ITGA8: variants seen among roughly 807,000 people sequenced by gnomAD.
The protein encoded by ITGA8 is integrin alpha-8.
ITGA8 carries 91 observed loss-of-function variants against 142.3 expected under a neutral mutation model. The observed-to-expected ratio is 0.64, with a 90% confidence interval of 0.54 to 0.76. ITGA8 has a LOEUF of 0.76. Ranked by LOEUF, ITGA8 falls within the 30% of genes least tolerant of loss-of-function variation. The pLI is 0.00. For synonymous variants in ITGA8, 505 were observed against 485.2 expected (o/e 1.04, Z -0.54); for missense variants, 1,406 against 1,327.7 (o/e 1.06, Z -0.92).
chr10:15,530,915 A>G lies in ITGA8; in HGVS notation c.2982+135T>C, dbSNP rs551955208. On this transcript the variant is annotated intron_variant, in intron 28 of 29. Transcript: ENST00000378076. Reference sequence around the variant, plus strand: ...CACTAGGAAATTACCAGACCAATGTAAGAAATTGGTGAGCTGAAGAGGAAA... The same window carrying G: ...CACTAGGAAATTACCAGACCAATGTGAGAAATTGGTGAGCTGAAGAGGAAA... The G allele has an allele frequency of 2.6e-4, 142 of 539,566 alleles. No homozygotes were observed. In the African/African-American group the frequency reaches 2.6e-3, roughly 10 times the overall value. 33.4% of individuals were successfully genotyped at this position (539,566 alleles called of 1,614,324 possible).
intron 2 of ITGA8, among the ~76,000 whole-genome samples, chr10:15,695,778 C>T (rs908107600): frequency 2.0e-5 from 3 of 152,244 alleles, no homozygotes; most frequent in African/African-American, 7.2e-5. Context: ...AAAGAGAAGC[C>T]ATGGTTTTCT....
chr10:15,520,702 T>C (rs1189033252), intron 28 of ITGA8, among the ~76,000 whole-genome samples: 1 of 152,246 alleles, frequency 6.6e-6, no homozygotes, highest in Non-Finnish European at 1.5e-5. Context: ...CGCTACATTA[T>C]TCTTGGATGC....
chr10:15,524,511 T>C (rs905667654), intron 28 of ITGA8, among the ~76,000 whole-genome samples: 13 of 152,242 alleles, frequency 8.5e-5, no homozygotes, highest in South Asian at 2.1e-4. Flanking sequence ...GTCACGTATA[T>C]GTCTCGGCAA....
At chr10:15,696,046 C>T (rs189576437) in intron 2 of ITGA8, among the ~76,000 whole-genome samples, 3 of 152,200 alleles carry the variant, frequency 2.0e-5, no homozygotes, top group Non-Finnish European at 1.5e-5. Context: ...ACTCAATGTG[C>T]TTTCTGTTTT....
At chr10:15,654,506 T>C (rs965296577) in intron 11 of ITGA8, among the ~76,000 whole-genome samples, 1 of 152,256 alleles carries the variant, frequency 6.6e-6, no homozygotes, top group African/African-American at 2.4e-5. Flanking sequence ...AATGCCATGA[T>C]ACAATTAACA....
At chr10:15,607,969 G>A in intron 16 of ITGA8, 138 bp from the exon 17 acceptor site, 1 of 728,892 alleles carries the variant, frequency 1.4e-6, no homozygotes, top group South Asian at 1.9e-5. Flanking sequence ...TAAATGAGCT[G>A]GAAAAATTGT....
chr10:15,619,964 A>C (rs1295560183), intron 13 of ITGA8, among the ~76,000 whole-genome samples: 1 of 152,280 alleles, frequency 6.6e-6, no homozygotes, highest in Non-Finnish European at 1.5e-5. Context: ...TATAAATAAC[A>C]GGCGAATTTT....
chr10:15,689,615 C>A (rs141899131), intron 2 of ITGA8, among the ~76,000 whole-genome samples: 1 of 152,256 alleles, frequency 6.6e-6, no homozygotes, highest in African/African-American at 2.4e-5. Flanking sequence ...CACTTTGTAC[C>A]CCACTCCTGT....
At chr10:15,709,578 C>T (rs1474933708) in intron 2 of ITGA8, among the ~76,000 whole-genome samples, 1 of 152,198 alleles carries the variant, frequency 6.6e-6, no homozygotes, top group Non-Finnish European at 1.5e-5. Context: ...CAATGCCTTC[C>T]ATATTTTAAG....
intron 25 of ITGA8, among the ~76,000 whole-genome samples, chr10:15,570,610 C>CAAAAAAAAAAAAAAAAAAAAAA (rs931457896): frequency 2.5e-5 from 1 of 40,040 alleles, no homozygotes; most frequent in Admixed American, 2.6e-4. Flanking sequence ...AACTCCATCT[C>CAAAAAAAAAAAAAAAAAAAAAA]AAAAAAAAAA....
intron 6 of ITGA8, among the ~76,000 whole-genome samples, chr10:15,674,259 C>G (rs1834584923): frequency 6.6e-6 from 1 of 152,186 alleles, no homozygotes; most frequent in South Asian, 2.1e-4. Context: ...TTCCTCCATC[C>G]CACATACACA....
chr10:15,530,167 T>C (rs558506899), intron 28 of ITGA8, among the ~76,000 whole-genome samples: 1 of 152,356 alleles, frequency 6.6e-6, no homozygotes, highest in South Asian at 2.1e-4. Flanking sequence ...CCCCTTTGCA[T>C]GGCCTTGCCA....
At chr10:15,713,955 T>C (rs1178569120) in intron 2 of ITGA8, among the ~76,000 whole-genome samples, 1 of 152,180 alleles carries the variant, frequency 6.6e-6, no homozygotes, top group Non-Finnish European at 1.5e-5. Context: ...CTTTCTCAGA[T>C]GACTTCCAAA....
At position 15,535,226 on chromosome 10, in the gene ITGA8, C is replaced by G. The variant is rs557726703; in HGVS notation, c.2881-4075G>C. Among the ~76,000 whole-genome samples the G allele has an allele frequency of 2.0e-5, 3 of 152,140 alleles. No homozygotes were observed. The South Asian group carries it at 6.2e-4, about 32-fold the overall frequency. On this transcript the variant is annotated intron_variant, in intron 27 of 29. Coordinates refer to ENST00000378076, the MANE Select transcript of ITGA8 (RefSeq NM_003638.3). The stretch of plus-strand genomic sequence containing the variant: ...CATGCCTGAGCCTCCCCCCACCCTC[C>G]GTGGGCTCCTGTGCAGCCCGAGCCT...
intron 29 of ITGA8, among the ~76,000 whole-genome samples, chr10:15,517,794 G>A (rs1035948540): frequency 1.4e-4 from 21 of 152,398 alleles, no homozygotes; most frequent in African/African-American, 5.0e-4. Flanking sequence ...TGTAGTTGGA[G>A]TGGAAGATGT....
chr10:15,568,570 T>C (rs561280893), intron 25 of ITGA8, among the ~76,000 whole-genome samples: 1 of 152,328 alleles, frequency 6.6e-6, no homozygotes, highest in South Asian at 2.1e-4. Context: ...TTCAGAGTTA[T>C]GTTGTATTTG....
chr10:15,570,706 A>C (rs1449747812), intron 25 of ITGA8, among the ~76,000 whole-genome samples: 1 of 152,124 alleles, frequency 6.6e-6, no homozygotes, highest in Non-Finnish European at 1.5e-5. Flanking sequence ...GAATCTGTCA[A>C]CATTTAAGAC....
chr10:15,558,036 T>G, intron 26 of ITGA8, 38 bp downstream of exon 26: 1 of 1,611,778 alleles, frequency 6.2e-7, no homozygotes, highest in African/African-American at 1.3e-5. Context: ...TCCAAGCCAC[T>G]CATTTCCCTC....
chr10:15,682,894 A>G (rs1255963449), intron 4 of ITGA8, among the ~76,000 whole-genome samples: 1 of 150,764 alleles, frequency 6.6e-6, no homozygotes, highest in Non-Finnish European at 1.5e-5. Flanking sequence ...CCTGTTATTT[A>G]GGCTTCTAAA....
Sources: allele counts gnomAD v4.1 joint callset (sites outside exome capture counted in the v4.1 genomes callset), GRCh38; gene constraint gnomAD v4.1.1; transcripts MANE v1.5; gene names NCBI Gene and HGNC (gene_info 2026-07-23, HGNC 2026-07-21).